Variants in TSPAN14 observed in about 807,000 individuals in gnomAD.
TSPAN14 encodes tetraspanin-14.
In TSPAN14, 16 loss-of-function variants were observed where a neutral mutation model predicts 36.6. The ratio of observed to expected loss-of-function variants is 0.44; its 90% CI spans 0.30 to 0.66. The LOEUF is 0.66. TSPAN14 is among the 30% of genes least tolerant of loss of function. The pLI is 0.12. For missense variants in TSPAN14, 231 were observed against 355.1 expected, an observed-to-expected ratio of 0.65 and a Z score of 2.81; for synonymous variants, 139 against 143.8, an observed-to-expected ratio of 0.97 and a Z score of 0.24.
intron 1 of TSPAN14, among the ~76,000 whole-genome samples, chr10:80,470,233 G>A (rs1846467420): frequency 6.6e-6 from 1 of 152,148 alleles, no homozygotes; most frequent in Non-Finnish European, 1.5e-5. Context: ...CTACAGGTGT[G>A]CGCCACCAGG....
chr10:80,489,705 C>T (rs1847821470), intron 2 of TSPAN14, among the ~76,000 whole-genome samples: 1 of 152,206 alleles, frequency 6.6e-6, no homozygotes, highest in Non-Finnish European at 1.5e-5. Context: ...TGATAACAGA[C>T]AAGGGCAATA....
chr10:80,474,457 GGAGGGGAGGGGAGT>G (rs577681609), intron 1 of TSPAN14, among the ~76,000 whole-genome samples: 1 of 151,762 alleles, frequency 6.6e-6, no homozygotes, highest in Middle Eastern at 3.2e-3. Flanking sequence ...CCTCAGGACG[GGAGGGGAGGGGAGT>G]GAGGGGAGGG....
intron 1 of TSPAN14, among the ~76,000 whole-genome samples, chr10:80,479,167 A>T (rs1654078939): frequency 6.6e-6 from 1 of 151,692 alleles, no homozygotes; most frequent in Non-Finnish European, 1.5e-5. Flanking sequence ...AATTTGTTTG[A>T]GTTCATTGCA....
intron 1 of TSPAN14, among the ~76,000 whole-genome samples, chr10:80,471,760 G>A (rs1846563907): frequency 6.6e-6 from 1 of 152,170 alleles, no homozygotes; most frequent in African/African-American, 2.4e-5. Flanking sequence ...GGGGTGGGGT[G>A]GGTAGCAGGT....
chr10:80,491,406 G>A (rs1003717511), intron 2 of TSPAN14, among the ~76,000 whole-genome samples: 4 of 152,122 alleles, frequency 2.6e-5, no homozygotes, highest in East Asian at 1.9e-4. Context: ...GTGGAGGTTC[G>A]CTGGGCTAGG....
At chr10:80,491,493 A>G (rs1430143529) in intron 2 of TSPAN14, among the ~76,000 whole-genome samples, 6 of 151,784 alleles carry the variant, frequency 4.0e-5, no homozygotes, top group Non-Finnish European at 7.4e-5. Flanking sequence ...TTGTGCCTCA[A>G]CCTCCAACTC....
intron 8 of TSPAN14, among the ~76,000 whole-genome samples, chr10:80,517,549 G>T (rs2132070926): frequency 6.6e-6 from 1 of 152,360 alleles, no homozygotes; most frequent in East Asian, 1.9e-4. Flanking sequence ...ATGAGAACCA[G>T]TCAGCGTGAC....
chr10:80,513,674 T>C (rs1840775168), intron 6 of TSPAN14, among the ~76,000 whole-genome samples: 1 of 152,254 alleles, frequency 6.6e-6, no homozygotes, highest in Admixed American at 6.5e-5. Context: ...AGAAGAATAA[T>C]ATTTTGTGGT....
intron 1 of TSPAN14, among the ~76,000 whole-genome samples, chr10:80,459,730 C>T (rs80013544): frequency 0.011 from 1,721 of 152,290 alleles, 37 homozygotes; most frequent in African/African-American, 0.039. Context: ...CCCTAACATC[C>T]AGGAGAGAGG....
intron 1 of TSPAN14, chr10:80,468,397 C>T (rs1846356964): frequency 1.3e-5 from 2 of 152,208 alleles, no homozygotes; most frequent in African/African-American, 4.8e-5. Flanking sequence ...TGTGAGGATC[C>T]ATTGGGATGC....
At chr10:80,498,324 G>C (rs1444419327) in intron 2 of TSPAN14, among the ~76,000 whole-genome samples, 3 of 152,166 alleles carry the variant, frequency 2.0e-5, no homozygotes, top group Admixed American at 2.0e-4. Context: ...GGTCCTTGCT[G>C]CTTATTTTGC....
At chr10:80,485,515 C>T in intron 1 of TSPAN14, 1 of 446,818 alleles carries the variant, frequency 2.2e-6, no homozygotes, top group Non-Finnish European at 3.0e-6. Flanking sequence ...TCCATCATTA[C>T]CCCTCCACAG....
At chr10:80,476,926 G>C (rs1846949480) in intron 1 of TSPAN14, among the ~76,000 whole-genome samples, 1 of 152,270 alleles carries the variant, frequency 6.6e-6, no homozygotes, top group Admixed American at 6.5e-5. Flanking sequence ...TGTTGGCAGG[G>C]CTGTGCTTCT....
intron 7 of TSPAN14, among the ~76,000 whole-genome samples, chr10:80,515,231 CAGTTTGG>C (rs1840874654): frequency 6.6e-6 from 1 of 152,156 alleles, no homozygotes; most frequent in Admixed American, 6.5e-5. Context: ...TATTTTCTCA[CAGTTTGG>C]AGGCTAGAAG....
At chr10:80,516,162 G>T (rs190737605) in intron 7 of TSPAN14, 42 bp from the exon 8 acceptor site, 1 of 1,613,584 alleles carries the variant, frequency 6.2e-7, no homozygotes, top group Non-Finnish European at 8.5e-7. Flanking sequence ...TGGGGACATC[G>T]TGTGTGCCAA....
chr10:80,505,709 G>A (rs539847540), intron 3 of TSPAN14, among the ~76,000 whole-genome samples: 1 of 152,328 alleles, frequency 6.6e-6, no homozygotes, highest in East Asian at 1.9e-4. Flanking sequence ...TTGCCCCAGT[G>A]ACCCAGAAGC....
rs78421087 is a variant in TSPAN14, at chr10:80,488,078, G to A, written c.-17-1139G>A. Among the ~76,000 whole-genome samples the A allele has an allele frequency of 8.5e-3, 1,299 of 152,268 alleles. 27 individuals carry two copies. The highest frequency in any genetic ancestry group is 0.029 in the African/African-American group (1,222 of 41,544). ...TGGGTGGGTCGCCTCCTCACCTCTAGGGTGGCCTTGTCTCCTTTCGCCTTG... is the reference window on the plus strand; with the variant it reads ...TGGGTGGGTCGCCTCCTCACCTCTAAGGTGGCCTTGTCTCCTTTCGCCTTG... On this transcript the variant is annotated intron_variant, in intron 1 of 8. Transcript: ENST00000429989.
chr10:80,482,732 C>CTTT (rs34769982), intron 1 of TSPAN14, among the ~76,000 whole-genome samples: 10 of 110,544 alleles, frequency 9.0e-5, no homozygotes, highest in African/African-American at 1.2e-4. Flanking sequence ...TTTTCTTTTC[C>CTTT]TTTTTTTTTT....
At chr10:80,455,508 A>G (rs955079229) in intron 1 of TSPAN14, among the ~76,000 whole-genome samples, 1 of 152,042 alleles carries the variant, frequency 6.6e-6, no homozygotes, top group Non-Finnish European at 1.5e-5. Context: ...TGGCCTGCCA[A>G]ATCCTCAAAA....
Sources: allele counts gnomAD v4.1 joint callset (sites outside exome capture counted in the v4.1 genomes callset), GRCh38; gene constraint gnomAD v4.1.1; transcripts MANE v1.5; gene names NCBI Gene and HGNC (gene_info 2026-07-23, HGNC 2026-07-21).